MACF1: variants seen among roughly 807,000 people sequenced by gnomAD.
MACF1 encodes the protein microtubule actin crosslinking factor 1.
Under a neutral mutation model 854.8 loss-of-function variants are expected in MACF1, and 193 were observed. The ratio of observed to expected loss-of-function variants is 0.23; its 90% CI spans 0.20 to 0.25. The LOEUF is 0.25. MACF1 is among the 10% of genes least tolerant of loss of function. The pLI is 1.00. For synonymous variants in MACF1, 3,185 were observed against 3,226.7 expected (o/e 0.99, Z 0.44); for missense variants, 7,722 against 8,929.1 (o/e 0.86, Z 5.45).
At chr1:39,445,520 G>GGT (rs1011380882) in intron 80 of MACF1, among the ~76,000 whole-genome samples, 68 of 152,266 alleles carry the variant, frequency 4.5e-4, no homozygotes, top group African/African-American at 1.4e-3. Flanking sequence ...CACTAAAGAC[G>GGT]ACCCTATCTT....
intron 2 of MACF1, among the ~76,000 whole-genome samples, chr1:39,129,243 G>A (rs1355137931): frequency 6.6e-6 from 1 of 152,150 alleles, no homozygotes; most frequent in Non-Finnish European, 1.5e-5. Flanking sequence ...TCCTTTAGTG[G>A]GTGGGATTCA....
intron 1 of MACF1, among the ~76,000 whole-genome samples, chr1:39,205,587 G>C (rs140393367): frequency 2.0e-5 from 3 of 152,286 alleles, no homozygotes; most frequent in East Asian, 3.9e-4. Flanking sequence ...TTTGGGGTGA[G>C]AAAAGGCAGA....
chr1:39,103,206 C>G (rs539795801), intron 2 of MACF1: 4 of 360,956 alleles, frequency 1.1e-5, no homozygotes, highest in African/African-American at 6.3e-5. Flanking sequence ...CTGATTCTCA[C>G]AGCGGACTCT....
intron 2 of MACF1, among the ~76,000 whole-genome samples, chr1:39,241,048 C>T (rs1021628464): frequency 2.7e-5 from 4 of 145,482 alleles, no homozygotes; most frequent in Non-Finnish European, 6.0e-5. Flanking sequence ...CAACTATAAT[C>T]TGTTTTTTTT....
chr1:39,102,564 G>A (rs1466130571), intron 2 of MACF1: 5 of 596,474 alleles, frequency 8.4e-6, no homozygotes, highest in Admixed American at 3.0e-5. Context: ...GCCCTGAGGC[G>A]AGATAACACA....
At chr1:39,120,033 G>A (rs1230354077) in intron 2 of MACF1, among the ~76,000 whole-genome samples, 3 of 151,456 alleles carry the variant, frequency 2.0e-5, no homozygotes, top group Non-Finnish European at 2.9e-5. Flanking sequence ...ACAGACATGC[G>A]GCACCACGCT....
intron 60 of MACF1, among the ~76,000 whole-genome samples, 161 bp from the exon 61 acceptor site, chr1:39,423,866 AC>A (rs930006918): frequency 1.3e-5 from 2 of 151,848 alleles, no homozygotes; most frequent in African/African-American, 4.8e-5. Context: ...AGTGGTGAGA[AC>A]TGTGCTATAT....
chr1:39,183,174 G>C lies in MACF1; in HGVS notation c.221-48008G>C, dbSNP rs1644125882. ...ATCCATAGAGACCATAAGTAGATTA[G>C]TGGTTGCTAGGGGTTGAGGAGGGGC... On this transcript the variant is annotated intron_variant, in intron 2 of 93. Coordinates refer to the MACF1 transcript ENST00000361689. 3.3e-5 allele frequency among the ~76,000 whole-genome samples: 5 copies of C among 152,280 alleles called. No individual in the cohort carries two copies. The South Asian group carries it at 1.0e-3, about 32-fold the overall frequency.
rs201156873 is a variant in MACF1 at position 39,452,374 on chromosome 1, C to T, written c.20613+24C>T. ...AAGTAAGGGATATTTGCTGTCCCAA[C>T]CCAAGGGATAGATCTGAGTGGGTTT... On this transcript the variant is annotated intron_variant, in intron 86 of 100. Transcript: ENST00000564288. 5.3e-5 allele frequency: 85 copies of T among 1,603,896 alleles called. No homozygotes were observed. The African/African-American group carries it at 8.8e-4, about 17-fold the overall frequency.
intron 70 of MACF1, among the ~76,000 whole-genome samples, chr1:39,437,138 C>T (rs1182591860): frequency 6.6e-6 from 1 of 151,936 alleles, no homozygotes; most frequent in Non-Finnish European, 1.5e-5. Context: ...TAGTCTTGTC[C>T]CTTTTTTGTT....
chr1:39,330,397 T>C (rs546755255), intron 36 of MACF1, among the ~76,000 whole-genome samples: 1 of 152,338 alleles, frequency 6.6e-6, no homozygotes, highest in East Asian at 1.9e-4. Flanking sequence ...TAAATCTCTC[T>C]TATTCTATGG....
At chr1:39,413,071 G>A (rs1183369955) in intron 58 of MACF1, 2 of 1,600,346 alleles carry the variant, frequency 1.2e-6, no homozygotes, top group Non-Finnish European at 1.7e-6. Context: ...TGCTCCAGCT[G>A]TTGCAGCAGC....
chr1:39,131,609 G>A (rs1041705370), intron 2 of MACF1, among the ~76,000 whole-genome samples: 1 of 152,168 alleles, frequency 6.6e-6, no homozygotes, highest in Non-Finnish European at 1.5e-5. Flanking sequence ...TTAGGACAGT[G>A]TCCAGCTCAA....
intron 2 of MACF1, among the ~76,000 whole-genome samples, chr1:39,125,923 G>A (rs1642848681): frequency 1.3e-5 from 2 of 152,204 alleles, no homozygotes; most frequent in African/African-American, 2.4e-5. Flanking sequence ...AACCCGGGAG[G>A]CGGAGGTTCC....
At chr1:39,119,261 G>A (rs1297308780) in intron 2 of MACF1, among the ~76,000 whole-genome samples, 1 of 142,542 alleles carries the variant, frequency 7.0e-6, no homozygotes, top group Non-Finnish European at 1.5e-5. Context: ...AGGTTGCGGT[G>A]AGCCGAGATC....
Position 39,387,616 on chromosome 1 carries a change from A to C in MACF1, c.14774A>C (p.Lys4925Thr), listed in dbSNP as rs771853663. The change falls in exon 58 of 101, where the codon AAG becomes ACG. Residue 4925 changes from lysine (K) to threonine (T), a missense_variant. By Grantham distance (78) the Lys-to-Thr change is moderately conservative (BLOSUM62 -1). This residue lies in a region of MACF1 where 2,807 missense variants were observed against 3,235.8 expected (regional missense o/e 0.87). Coordinates refer to ENST00000564288, the MANE Select transcript of MACF1 (RefSeq NM_001394062.1). ...CCATGGATAGAAGATTGTAAAGCTA[A>C]GATGTCTGAGTTGCGAGTCACTCTG... is the stretch of plus-strand genomic sequence containing the variant. The part of the protein sequence containing the change: ...LVPWIEDCKA[K>T]MSELRVTLDP... 2.5e-6 allele frequency: 4 copies of C among 1,614,210 alleles called. No homozygotes were observed. In the South Asian group the frequency reaches 4.4e-5, roughly 18 times the overall value.
intron 98 of MACF1, among the ~76,000 whole-genome samples, chr1:39,480,656 A>C (rs1434075055): frequency 6.6e-6 from 1 of 151,964 alleles, no homozygotes; most frequent in Non-Finnish European, 1.5e-5. Flanking sequence ...AAAAAAAAAA[A>C]AATAAGGAAA....
intron 2 of MACF1, among the ~76,000 whole-genome samples, chr1:39,237,572 A>G (rs76988958): frequency 0.018 from 2,768 of 152,298 alleles, 91 homozygotes; most frequent in African/African-American, 0.064. Flanking sequence ...CTTAATTTTA[A>G]CAGCTAGGGA....
In MACF1 at chr1:39,388,408, A is replaced by G; in HGVS notation, c.15566A>G (p.Glu5189Gly). The G allele has an allele frequency of 6.2e-7, 1 of 1,614,116 alleles. No individual in the cohort carries two copies. The highest frequency in any genetic ancestry group is 8.5e-7 in the Non-Finnish European group (1 of 1,180,002). Residue 5189 changes from glutamate to glycine, a missense_variant, in exon 58 of 101, where the codon GAA becomes GGA. By Grantham distance (98) the Glu-to-Gly change is moderately conservative (BLOSUM62 -2). Transcript: ENST00000564288. ...SEAECRHMLE[E>G]EGTLDLLGLK... ...GCAGAGTGTCGACATATGCTAGAAGAAGAGGGGACTCTGGATTTGTTAGGT... is the reference window on the plus strand; with the variant it reads ...GCAGAGTGTCGACATATGCTAGAAGGAGAGGGGACTCTGGATTTGTTAGGT...
Sources: gnomAD v4.1 joint callset for allele counts (sites outside exome capture counted in the v4.1 genomes callset) on GRCh38, gnomAD v4.1.1 for gene constraint, gnomAD v4.1.1 regional missense constraint, MANE v1.5 for transcripts, NCBI Gene and HGNC (gene_info 2026-07-23, HGNC 2026-07-21) for gene names.